Variants in NLK observed in about 807,000 individuals in gnomAD.
NLK encodes the protein serine/threonine-protein kinase NLK.
Under a neutral mutation model 59.0 loss-of-function variants are expected in NLK, and 11 were observed. The ratio of observed to expected loss-of-function variants is 0.19; its 90% CI spans 0.12 to 0.31. The LOEUF (loss-of-function observed/expected upper bound fraction) is 0.31. NLK is among the 10% of genes least tolerant of loss of function. The pLI is 1.00. For synonymous variants in NLK, 235 were observed against 235.9 expected, an observed-to-expected ratio of 1.00 and a Z score of 0.03; for missense variants, 410 against 661.1, an observed-to-expected ratio of 0.62 and a Z score of 4.16.
At chr17:28,138,381 C>T (rs1014859578) in intron 3 of NLK, among the ~76,000 whole-genome samples, 38 of 152,288 alleles carry the variant, frequency 2.5e-4, no homozygotes, top group African/African-American at 8.4e-4. Context: ...TTGGGACAGT[C>T]TTGGATTTTA....
intron 1 of NLK, among the ~76,000 whole-genome samples, chr17:28,050,670 G>A (rs770922323): frequency 3.9e-5 from 6 of 152,048 alleles, no homozygotes; most frequent in Non-Finnish European, 7.4e-5. Flanking sequence ...CTGAGTCTTA[G>A]GGAATGTTCT....
At chr17:28,179,355 G>A (rs991736305) in intron 7 of NLK, among the ~76,000 whole-genome samples, 11 of 151,962 alleles carry the variant, frequency 7.2e-5, no homozygotes, top group Non-Finnish European at 1.6e-4. Flanking sequence ...TCAGCCTCTC[G>A]AATAACTGGG....
chr17:28,062,950 G>A (rs1401945501), intron 1 of NLK, among the ~76,000 whole-genome samples: 1 of 151,978 alleles, frequency 6.6e-6, no homozygotes, highest in Non-Finnish European at 1.5e-5. Flanking sequence ...TTTTATTTTG[G>A]TTTTTGAGAC....
intron 1 of NLK, among the ~76,000 whole-genome samples, chr17:28,050,576 GT>G (rs1190905623): frequency 2.6e-5 from 4 of 152,044 alleles, no homozygotes; most frequent in African/African-American, 9.7e-5. Flanking sequence ...ACTACTGAAA[GT>G]TTTTAAGTAA....
At chr17:28,104,242 G>A (rs754210411) in intron 1 of NLK, among the ~76,000 whole-genome samples, 2 of 151,974 alleles carry the variant, frequency 1.3e-5, no homozygotes, top group Non-Finnish European at 2.9e-5. Context: ...GTGGAAGATA[G>A]GGACTGGACT....
Position 28,105,573 on chromosome 17 carries a change from C to T in NLK, c.459-17030C>T, listed in dbSNP as rs149817355. On this transcript the variant is annotated intron_variant, in intron 1 of 10. Coordinates refer to ENST00000407008, the MANE Select transcript of NLK (RefSeq NM_016231.5). ...ATTCTTTTTCAAAGGTTGCTGATGTCATTTGTTAGTAAAAAATTGATTTGG... is the reference window on the plus strand; with the variant it reads ...ATTCTTTTTCAAAGGTTGCTGATGTTATTTGTTAGTAAAAAATTGATTTGG... 2.3e-3 allele frequency among the ~76,000 whole-genome samples: 347 copies of T among 152,242 alleles called. 3 individuals carry two copies. The highest frequency in any genetic ancestry group is 7.8e-3 in the African/African-American group (326 of 41,536).
intron 1 of NLK, among the ~76,000 whole-genome samples, chr17:28,078,008 T>G (rs541341286): frequency 3.3e-5 from 5 of 152,268 alleles, no homozygotes; most frequent in African/African-American, 1.2e-4. Flanking sequence ...AGGTATGCAT[T>G]TGTTATTTCA....
At chr17:28,055,182 T>C (rs958822188) in intron 1 of NLK, among the ~76,000 whole-genome samples, 5 of 150,218 alleles carry the variant, frequency 3.3e-5, no homozygotes, top group African/African-American at 1.2e-4. Context: ...AGCCTCTGCC[T>C]CTCGGGTTCA....
intron 3 of NLK, among the ~76,000 whole-genome samples, chr17:28,147,196 A>G (rs547205587): frequency 6.6e-6 from 1 of 152,192 alleles, no homozygotes; most frequent in East Asian, 1.9e-4. Flanking sequence ...GTGTTTATTG[A>G]TGCTAATGAT....
chr17:28,060,043 G>C (rs186752082), intron 1 of NLK, among the ~76,000 whole-genome samples: 1 of 152,148 alleles, frequency 6.6e-6, no homozygotes, highest in Admixed American at 6.5e-5. Context: ...TTCACAGTCA[G>C]CTTACAAAAT....
At chr17:28,067,486 A>C (rs1909868704) in intron 1 of NLK, among the ~76,000 whole-genome samples, 1 of 151,892 alleles carries the variant, frequency 6.6e-6, no homozygotes, top group African/African-American at 2.4e-5. Context: ...TTATATCTCC[A>C]GTATTGGAAA....
At chr17:28,051,579 G>A (rs1311377727) in intron 1 of NLK, among the ~76,000 whole-genome samples, 6 of 151,228 alleles carry the variant, frequency 4.0e-5, no homozygotes, top group Non-Finnish European at 2.9e-5. Flanking sequence ...GGATGGTCTC[G>A]ATCTCTTGAC....
At chr17:28,112,053 A>G (rs1002576265) in intron 1 of NLK, among the ~76,000 whole-genome samples, 4 of 151,900 alleles carry the variant, frequency 2.6e-5, no homozygotes, top group Non-Finnish European at 5.9e-5. Flanking sequence ...CAAGAGATCT[A>G]TGGAGAGTTC....
intron 1 of NLK, among the ~76,000 whole-genome samples, chr17:28,092,680 T>C (rs1032822602): frequency 2.0e-5 from 3 of 152,188 alleles, no homozygotes; most frequent in African/African-American, 7.2e-5. Flanking sequence ...TTCGGGGAGA[T>C]AATAGTCAAA....
intron 2 of NLK, among the ~76,000 whole-genome samples, chr17:28,132,260 A>T (rs1906548940): frequency 6.6e-6 from 1 of 152,192 alleles, no homozygotes; most frequent in African/African-American, 2.4e-5. Context: ...CACATAGTAA[A>T]GATTTGTTGA....
chr17:28,048,871 CT>C (rs886899701), intron 1 of NLK: 1 of 152,132 alleles, frequency 6.6e-6, no homozygotes, highest in Non-Finnish European at 1.5e-5. Context: ...GCCAAAGAAA[CT>C]TTTTCATTTG....
chr17:28,141,145 A>G (rs968961857), intron 3 of NLK, among the ~76,000 whole-genome samples: 1 of 152,228 alleles, frequency 6.6e-6, no homozygotes, highest in African/African-American at 2.4e-5. Flanking sequence ...ACTATGTTGT[A>G]TCATCTATCT....
intron 3 of NLK, among the ~76,000 whole-genome samples, chr17:28,135,147 AT>A (rs1403230988): frequency 6.6e-6 from 1 of 152,206 alleles, no homozygotes; most frequent in African/African-American, 2.4e-5. Context: ...CTCTTTGGAA[AT>A]GAAGTTGCTG....
intron 1 of NLK, among the ~76,000 whole-genome samples, chr17:28,051,079 C>CA (rs564894359): frequency 0.076 from 4,788 of 63,180 alleles, 168 homozygotes; most frequent in African/African-American, 0.16. Context: ...GAACCTGTCT[C>CA]AAAAAAAAAA....
Sources: allele counts gnomAD v4.1 joint callset (sites outside exome capture counted in the v4.1 genomes callset), GRCh38; gene constraint gnomAD v4.1.1; transcripts MANE v1.5; gene names NCBI Gene and HGNC (gene_info 2026-07-23, HGNC 2026-07-21).